LRP5: variants seen among roughly 807,000 people sequenced by gnomAD.
LRP5 encodes the protein LDL receptor related protein 5, also known as low-density lipoprotein receptor-related protein 5.
A neutral mutation model predicts 154.1 loss-of-function variants in LRP5; 62 were observed. The ratio of observed to expected loss-of-function variants is 0.40; its 90% CI spans 0.33 to 0.50. LRP5 has a LOEUF of 0.50. LRP5 is among the 20% of genes least tolerant of loss of function. The pLI is 0.55. For missense variants in LRP5, 1,915 were observed against 2,336.7 expected (o/e 0.82, Z 3.72); for synonymous variants, 966 against 1,011.5 (o/e 0.96, Z 0.85).
chr11:68,365,500 A>T lies in LRP5; in HGVS notation c.884-71A>T, dbSNP rs550735037. 9.8e-5 allele frequency: 157 copies of T among 1,609,656 alleles called. 1 individual carries two copies. In the East Asian group the frequency reaches 1.8e-3, roughly 18 times the overall value. ...AGGCTGTCACGGGGGACGAGGCAGG[A>T]TGTGACTCATTCAGAAACAAGTGAC... On this transcript the variant is annotated intron_variant, in intron 4 of 22. Coordinates refer to ENST00000294304, the MANE Select transcript of LRP5 (RefSeq NM_002335.4).
chr11:68,338,295 A>T (rs1282652934), intron 1 of LRP5, among the ~76,000 whole-genome samples: 1 of 152,194 alleles, frequency 6.6e-6, no homozygotes, highest in Non-Finnish European at 1.5e-5. Flanking sequence ...GGTTACCTTG[A>T]ATTGAGTCTT....
the LRP5 span, among the ~76,000 whole-genome samples, chr11:68,300,678 A>C: frequency 1.3e-5 from 2 of 148,960 alleles, no homozygotes. Flanking sequence ...CCACAGGGGG[A>C]CCTCGCCCTT....
At chr11:68,298,698 T>C in the LRP5 span, among the ~76,000 whole-genome samples, 1 of 152,150 alleles carries the variant, frequency 6.6e-6, no homozygotes, top group Admixed American at 6.5e-5. Context: ...TAGGGGCTGC[T>C]GTTCCCTCTA....
At chr11:68,376,521 C>T (rs368596524) in intron 5 of LRP5, among the ~76,000 whole-genome samples, 5 of 152,120 alleles carry the variant, frequency 3.3e-5, no homozygotes, top group Non-Finnish European at 7.4e-5. Context: ...CACACGGTGC[C>T]GAGAGCTCGC....
At position 68,400,869 on chromosome 11, in the gene LRP5, A is replaced by G. The variant is rs1013232760; in HGVS notation, c.1585-2614A>G. ...CAGGAGTTTGAGACCAGCCTGGCCA[A>G]CATGGTGGAACCCCATCTCTACAAA... On this transcript the variant is annotated intron_variant, in intron 7 of 22. Transcript: ENST00000294304. Among the ~76,000 whole-genome samples the G allele has an allele frequency of 2.0e-5, 3 of 152,246 alleles. No homozygotes were observed. In the South Asian group the frequency reaches 6.2e-4, roughly 31 times the overall value.
chr11:68,316,689 G>A (rs2098593603), intron 1 of LRP5, among the ~76,000 whole-genome samples: 1 of 152,218 alleles, frequency 6.6e-6, no homozygotes, highest in Non-Finnish European at 1.5e-5. Flanking sequence ...CAGCCGGCAC[G>A]AGCAGGTCTC....
At chr11:68,425,033 C>T (rs1444685838) in intron 14 of LRP5, 69 bp from the exon 15 acceptor site, 2 of 1,436,934 alleles carry the variant, frequency 1.4e-6, no homozygotes, top group African/African-American at 1.4e-5. Context: ...CAGCTGGGTG[C>T]CCTGGGCTCC....
intron 21 of LRP5, chr11:68,445,589 G>A: frequency 7.6e-7 from 1 of 1,316,498 alleles, no homozygotes; most frequent in Non-Finnish European, 1.0e-6. Flanking sequence ...GGATCTGGCT[G>A]TATGCTTTCC....
intron 2 of LRP5, among the ~76,000 whole-genome samples, chr11:68,352,868 G>A (rs2098619927): frequency 6.6e-6 from 1 of 151,834 alleles, no homozygotes; most frequent in Non-Finnish European, 1.5e-5. Context: ...TTGGTTGGGA[G>A]GTAATTGGTA....
intron 22 of LRP5, among the ~76,000 whole-genome samples, chr11:68,448,448 A>G (rs903696698): frequency 6.6e-6 from 1 of 152,200 alleles, no homozygotes; most frequent in African/African-American, 2.4e-5. Context: ...AATGGGTACT[A>G]TTTCATCCCC....
At chr11:68,396,670 G>T (rs939783729) in intron 7 of LRP5, among the ~76,000 whole-genome samples, 2 of 152,180 alleles carry the variant, frequency 1.3e-5, no homozygotes. Flanking sequence ...GGCCTTGACT[G>T]TGACAGCTGT....
chr11:68,350,904 G>A (rs997993626), intron 2 of LRP5, among the ~76,000 whole-genome samples: 12 of 152,210 alleles, frequency 7.9e-5, no homozygotes, highest in African/African-American at 2.7e-4. Flanking sequence ...GTGTGTGTGT[G>A]TGTGCGTGTG....
intron 3 of LRP5, among the ~76,000 whole-genome samples, chr11:68,362,255 G>A (rs312793): frequency 0.2 from 30,081 of 152,222 alleles, 3,686 homozygotes; most frequent in Non-Finnish European, 0.29. Flanking sequence ...TGCCGGGGCT[G>A]GGGGCGGGGA....
At chr11:68,433,569 T>C (rs374378005) in intron 17 of LRP5, 33 bp from the exon 18 acceptor site, 36 of 1,571,424 alleles carry the variant, frequency 2.3e-5, no homozygotes, top group Middle Eastern at 1.7e-4. Context: ...TGGGCGGGGC[T>C]GCGTGTGATG....
At chr11:68,381,133 A>G (rs150896215) in intron 5 of LRP5, among the ~76,000 whole-genome samples, 2 of 152,336 alleles carry the variant, frequency 1.3e-5, no homozygotes, top group Non-Finnish European at 2.9e-5. Flanking sequence ...GATGGCGGCC[A>G]CAAGCCAAGG....
At chr11:68,364,187 C>T (rs1377672349) in intron 4 of LRP5, among the ~76,000 whole-genome samples, 1 of 151,494 alleles carries the variant, frequency 6.6e-6, no homozygotes, top group African/African-American at 2.4e-5. Flanking sequence ...GACCCCTCTG[C>T]AGAGCTCATG....
At position 68,416,358 on chromosome 11, in the gene LRP5, A is replaced by G. The variant is rs964312324; in HGVS notation, c.2858A>G (p.Lys953Arg). The G allele has an allele frequency of 3.7e-6, 6 of 1,614,168 alleles. No homozygotes were observed. Among genetic ancestry groups the G allele is most frequent in the South Asian group, 2.2e-5 (2 of 91,084 alleles). Reference protein sequence around the residue: ...PPTTFLLFSQKSAISRMIPDD... With the variant: ...PPTTFLLFSQRSAISRMIPDD... ...ACCACCTTCTTGCTGTTCAGCCAGA[A>G]ATCTGCCATCAGTCGGATGATCCCG... The change falls in exon 13 of 23, where the codon AAA becomes AGA. Residue 953 changes from lysine (K) to arginine (R), a missense_variant. Lys to Arg is a conservative substitution (Grantham distance 26). Around this residue, in one of 3 missense-constraint regions of LRP5, gnomAD observed 1,094 missense variants for 1,210.1 expected, o/e 0.90. Coordinates refer to ENST00000294304, the MANE Select transcript of LRP5 (RefSeq NM_002335.4).
chr11:68,351,353 G>A (rs756140818), intron 2 of LRP5, among the ~76,000 whole-genome samples: 6 of 152,096 alleles, frequency 3.9e-5, no homozygotes, highest in Non-Finnish European at 8.8e-5. Flanking sequence ...GTGAACTGTT[G>A]CCCTCTCAGC....
At chr11:68,310,216 T>C (rs2098586917), upstream of LRP5, among the ~76,000 whole-genome samples, 1 of 152,106 alleles carries the variant, frequency 6.6e-6, no homozygotes, top group Non-Finnish European at 1.5e-5. Flanking sequence ...ACAGGGGTCC[T>C]CAGGCCTGAC....
Sources: allele counts gnomAD v4.1 joint callset (sites outside exome capture counted in the v4.1 genomes callset), GRCh38; gene constraint gnomAD v4.1.1; regional missense constraint gnomAD v4.1.1; transcripts MANE v1.5; gene names NCBI Gene and HGNC (gene_info 2026-07-23, HGNC 2026-07-21).